Variants in MASP1 observed in about 807,000 individuals in gnomAD.
MASP1 encodes the protein mannan-binding lectin serine protease 1.
In MASP1, 59 loss-of-function variants were observed where a neutral mutation model predicts 77.1. The observed-to-expected ratio is 0.77, with a 90% confidence interval of 0.62 to 0.95. The LOEUF (loss-of-function observed/expected upper bound fraction) is 0.95, where lower values mean the gene tolerates loss of function less well. Among genes scored for constraint, MASP1 ranks in the 40% least tolerant of loss-of-function variants. The pLI is 0.00. For missense variants in MASP1, 885 were observed against 912.9 expected (o/e 0.97, Z 0.39); for synonymous variants, 362 against 354.5 (o/e 1.02, Z -0.24).
At chr3:187,220,398 G>A (rs1711976110) in intron 15 of MASP1, 1 of 719,782 alleles carries the variant, frequency 1.4e-6, no homozygotes, top group African/African-American at 1.8e-5. Flanking sequence ...CCTCAGCTCT[G>A]GGCAGTTCTA....
At chr3:187,278,229 G>A (rs1299732265) in intron 2 of MASP1, among the ~76,000 whole-genome samples, 1 of 152,192 alleles carries the variant, frequency 6.6e-6, no homozygotes, top group African/African-American at 2.4e-5. Context: ...AAGACTTGAC[G>A]CTGGGTCTGA....
At chr3:187,257,110 T>C (rs1189739222) in intron 4 of MASP1, among the ~76,000 whole-genome samples, 1 of 152,074 alleles carries the variant, frequency 6.6e-6, no homozygotes, top group African/African-American at 2.4e-5. Context: ...ATCCTTCTCA[T>C]CAGATCCTCT....
At chr3:187,274,238 G>C (rs1716769118) in intron 2 of MASP1, among the ~76,000 whole-genome samples, 1 of 152,024 alleles carries the variant, frequency 6.6e-6, no homozygotes, top group Non-Finnish European at 1.5e-5. Context: ...TAATGATGAT[G>C]ATAATAATTC....
intron 8 of MASP1, among the ~76,000 whole-genome samples, chr3:187,245,401 T>C (rs574570924): frequency 6.6e-6 from 1 of 152,202 alleles, no homozygotes; most frequent in Admixed American, 6.5e-5. Flanking sequence ...TGGGAGCCTG[T>C]TATGTGGCTG....
exon 16 of MASP1, chr3:187,219,194 C>T (rs1711896994): frequency 6.6e-6 from 1 of 152,256 alleles, no homozygotes; most frequent in South Asian, 2.1e-4. Context: ...CTTTTGGTTA[C>T]ATTGGCTTTA....
chr3:187,282,184 G>A (rs746019298), intron 2 of MASP1, among the ~76,000 whole-genome samples: 5 of 152,158 alleles, frequency 3.3e-5, no homozygotes, highest in Non-Finnish European at 7.3e-5. Context: ...TCTTCTCTAC[G>A]TTGGGCCTAA....
At chr3:187,218,229 A>C (rs1302205592) in exon 16 of MASP1, 1 of 152,200 alleles carries the variant, frequency 6.6e-6, no homozygotes, top group East Asian at 1.9e-4. Context: ...AGTCAATTAC[A>C]TATGTTTCAT....
intron 11 of MASP1, among the ~76,000 whole-genome samples, chr3:187,228,968 T>A (rs1326091846): frequency 6.6e-6 from 1 of 152,032 alleles, no homozygotes; most frequent in East Asian, 1.9e-4. Context: ...TGGGGCAGAG[T>A]GAGAGGCATG....
At chr3:187,282,802 G>C (rs1396079628) in intron 2 of MASP1, among the ~76,000 whole-genome samples, 1 of 152,238 alleles carries the variant, frequency 6.6e-6, no homozygotes, top group East Asian at 1.9e-4. Flanking sequence ...CTGGAAGAGA[G>C]TCAGCTGTGC....
intron 2 of MASP1, among the ~76,000 whole-genome samples, chr3:187,275,876 C>T (rs1016812634): frequency 6.6e-6 from 1 of 151,460 alleles, no homozygotes; most frequent in Non-Finnish European, 1.5e-5. Context: ...CTCTGAGCAT[C>T]AGGTCAAATG....
chr3:187,235,493 T>C lies in MASP1; in HGVS notation c.*191A>G. On this transcript the variant is annotated 3_prime_UTR_variant, in exon 11 of 11. Coordinates refer to ENST00000296280, the MANE Select transcript of MASP1 (RefSeq NM_139125.4). Reference sequence around the variant, plus strand: ...ACTTGGACAAGCTCAGGAACACAGGTCTCCTGCCTGGAGCCTTTTCCCTAT... The same window carrying C: ...ACTTGGACAAGCTCAGGAACACAGGCCTCCTGCCTGGAGCCTTTTCCCTAT... The C allele has an allele frequency of 6.6e-7, 1 of 1,526,012 alleles. No individual in the cohort carries two copies. The highest frequency in any genetic ancestry group is 8.8e-7 in the Non-Finnish European group (1 of 1,142,072). The allele number at this position is 1,526,012 out of a possible 1,614,324, so 94.5% of individuals were successfully genotyped here. A position where few individuals can be genotyped will look rare whatever the true frequency, so the allele number is the denominator to read the frequency against.
chr3:187,252,233 A>G (rs1714673540), intron 6 of MASP1, among the ~76,000 whole-genome samples: 1 of 152,132 alleles, frequency 6.6e-6, no homozygotes, highest in African/African-American at 2.4e-5. Flanking sequence ...TGCCTCCCTA[A>G]CCTTTCAGGC....
chr3:187,231,590 T>A (rs1445741081), downstream of MASP1, among the ~76,000 whole-genome samples: 1 of 152,232 alleles, frequency 6.6e-6, no homozygotes, highest in Non-Finnish European at 1.5e-5. Flanking sequence ...AACCATGATA[T>A]CTACATACAG....
At chr3:187,269,569 C>G (rs956338218) in intron 2 of MASP1, among the ~76,000 whole-genome samples, 5 of 152,210 alleles carry the variant, frequency 3.3e-5, no homozygotes, top group African/African-American at 1.2e-4. Context: ...ACTCTCACCA[C>G]TCCCAGAGAG....
At chr3:187,242,079 C>T (rs1713692426) in intron 9 of MASP1, 1 of 169,044 alleles carries the variant, frequency 5.9e-6, no homozygotes, top group Non-Finnish European at 1.3e-5. Flanking sequence ...CCTGGGCTCA[C>T]ATGGCTCCCT....
chr3:187,245,161 G>A (rs186303954), intron 8 of MASP1, among the ~76,000 whole-genome samples: 1 of 152,210 alleles, frequency 6.6e-6, no homozygotes, highest in Non-Finnish European at 1.5e-5. Context: ...TGAGGTAAAT[G>A]TGTGCAGCTC....
At chr3:187,266,514 A>G (rs1396807301) in intron 2 of MASP1, among the ~76,000 whole-genome samples, 1 of 152,188 alleles carries the variant, frequency 6.6e-6, no homozygotes, top group African/African-American at 2.4e-5. Context: ...TTTAGGAAGA[A>G]GAGAATAATC....
Position 187,234,830 on chromosome 3 carries a change from A to G in MASP1, c.*854T>C, listed in dbSNP as rs1021698709. 4 of 1,287,278 alleles carry G rather than the reference A, an allele frequency of 3.1e-6. No individual in the cohort carries two copies. The highest frequency in any genetic ancestry group is 4.0e-6 in the Non-Finnish European group (4 of 988,706). The allele number at this position is 1,287,278 out of a possible 1,614,324, so 79.7% of individuals were successfully genotyped here. The stretch of plus-strand genomic sequence containing the variant: ...TGGGCTTCAGGTAGCCTTTCAGATA[A>G]TACATTTCAAGGCTGAAAGATTGCT... On this transcript the variant is annotated 3_prime_UTR_variant, in exon 11 of 11. Coordinates refer to ENST00000296280, the MANE Select transcript of MASP1 (RefSeq NM_139125.4).
At position 187,236,326 on chromosome 3, in the gene MASP1, A is replaced by G; in HGVS notation, c.1545T>C (p.His515=). ...CATGCAAGCCCAGGTAGACGGTGACATGCTCCTTGGAGACTGGTATCACCG... is the reference window on the plus strand; with the variant it reads ...CATGCAAGCCCAGGTAGACGGTGACGTGCTCCTTGGAGACTGGTATCACCG... ...DTTVIPVSKE[H]VTVYLGLHDV... Residue 515 remains histidine (H), a synonymous_variant, in exon 11 of 11, where the codon CAT becomes CAC. Transcript: ENST00000296280. 6.2e-7 allele frequency: 1 copy of G among 1,614,252 alleles called. No homozygotes were observed. The highest frequency in any genetic ancestry group is 8.5e-7 in the Non-Finnish European group (1 of 1,180,044).
Sources: allele counts gnomAD v4.1 joint callset (sites outside exome capture counted in the v4.1 genomes callset), GRCh38; gene constraint gnomAD v4.1.1; transcripts MANE v1.5; gene names NCBI Gene and HGNC (gene_info 2026-07-23, HGNC 2026-07-21).